GNG4: variants seen among roughly 807,000 people sequenced by gnomAD.
The protein encoded by GNG4 is G protein subunit gamma 4, also known as guanine nucleotide-binding protein G(I)/G(S)/G(O) subunit gamma-4.
In GNG4, 4 loss-of-function variants were observed where a neutral mutation model predicts 5.8. The observed-to-expected ratio is 0.69, with a 90% CI of 0.34 to 1.57. The LOEUF is 1.57. Among genes scored for constraint, GNG4 ranks in the 40% most tolerant of loss-of-function variants. GNG4 has a pLI of 0.06. For synonymous variants in GNG4, 29 were observed against 32.9 expected (o/e 0.88, Z 0.41); for missense variants, 96 against 95.1 (o/e 1.01, Z -0.04).
chr1:235,623,729 C>T (rs1688754805), intron 1 of GNG4, among the ~76,000 whole-genome samples: 1 of 152,162 alleles, frequency 6.6e-6, no homozygotes, highest in Non-Finnish European at 1.5e-5. Flanking sequence ...CCACTTTCAC[C>T]TTTTAAATTC....
chr1:235,569,423 A>C lies in GNG4; in HGVS notation c.99+14317T>G, dbSNP rs372359825. Reference sequence around the variant, plus strand: ...CAGTGAGCCAAGATCACGACACTGCACTCCAGCCTGGGTGACAGAGGGAGA... The same window carrying C: ...CAGTGAGCCAAGATCACGACACTGCCCTCCAGCCTGGGTGACAGAGGGAGA... On this transcript the variant is annotated intron_variant, in intron 3 of 3. Coordinates refer to ENST00000391854, the MANE Select transcript of GNG4 (RefSeq NM_001098722.2). Among the ~76,000 whole-genome samples the C allele has an allele frequency of 3.4e-5, 5 of 148,964 alleles. No homozygotes were observed. The East Asian group carries it at 6.1e-4, about 18-fold the overall frequency.
chr1:235,600,920 G>C (rs1688245375), intron 1 of GNG4, among the ~76,000 whole-genome samples: 1 of 152,198 alleles, frequency 6.6e-6, no homozygotes. Flanking sequence ...TAGCTTCTGT[G>C]CCCCCATTGC....
intron 2 of GNG4, among the ~76,000 whole-genome samples, chr1:235,584,889 T>C (rs1687722959): frequency 6.6e-6 from 1 of 152,248 alleles, no homozygotes; most frequent in Non-Finnish European, 1.5e-5. Context: ...TTTAGGTTTT[T>C]TTCCCACCTC....
intron 3 of GNG4, among the ~76,000 whole-genome samples, chr1:235,559,761 T>A (rs1687011865): frequency 6.6e-6 from 1 of 152,214 alleles, no homozygotes; most frequent in Non-Finnish European, 1.5e-5. Context: ...AAGTCAAATG[T>A]CCATAGCAGC....
chr1:235,612,425 T>G (rs965101076), intron 1 of GNG4, among the ~76,000 whole-genome samples: 2 of 152,100 alleles, frequency 1.3e-5, no homozygotes, highest in Non-Finnish European at 2.9e-5. Flanking sequence ...GTGCAGGGTC[T>G]GCGTGGGAAG....
At chr1:235,601,513 T>G (rs552959040) in intron 1 of GNG4, among the ~76,000 whole-genome samples, 1 of 152,308 alleles carries the variant, frequency 6.6e-6, no homozygotes, top group East Asian at 1.9e-4. Context: ...GAATGAGACT[T>G]GCCCGCCCTC....
intron 1 of GNG4, among the ~76,000 whole-genome samples, chr1:235,636,860 T>C (rs1191081757): frequency 6.6e-6 from 1 of 152,016 alleles, no homozygotes; most frequent in Non-Finnish European, 1.5e-5. Flanking sequence ...TGCTACCTCT[T>C]ACCCCTAGGG....
intron 1 of GNG4, among the ~76,000 whole-genome samples, chr1:235,618,875 C>T (rs995859574): frequency 4.0e-5 from 6 of 151,232 alleles, no homozygotes; most frequent in African/African-American, 1.5e-4. Context: ...GGGCTGGTCT[C>T]GAACTCCTGA....
At chr1:235,568,004 C>T (rs1047254184) in intron 3 of GNG4, among the ~76,000 whole-genome samples, 21 of 152,154 alleles carry the variant, frequency 1.4e-4, no homozygotes, top group South Asian at 4.1e-4. Flanking sequence ...TCACTCTGCA[C>T]GTAGCCCCAG....
intron 3 of GNG4, among the ~76,000 whole-genome samples, chr1:235,576,677 A>G (rs894127414): frequency 3.3e-5 from 5 of 152,192 alleles, no homozygotes; most frequent in African/African-American, 1.2e-4. Context: ...ATGTGCTTCT[A>G]GGCAAGATGA....
chr1:235,559,793 T>C (rs1261748515), intron 3 of GNG4, among the ~76,000 whole-genome samples: 1 of 152,262 alleles, frequency 6.6e-6, no homozygotes, highest in Non-Finnish European at 1.5e-5. Context: ...TGTTAACTAC[T>C]TTCAGCATAG....
At chr1:235,576,877 T>C (rs1687496266) in intron 3 of GNG4, among the ~76,000 whole-genome samples, 1 of 152,200 alleles carries the variant, frequency 6.6e-6, no homozygotes, top group African/African-American at 2.4e-5. Context: ...ATATTTGCAC[T>C]TGTGCTTTTG....
intron 2 of GNG4, among the ~76,000 whole-genome samples, chr1:235,588,080 C>T (rs554391217): frequency 5.3e-5 from 8 of 152,064 alleles, no homozygotes; most frequent in South Asian, 4.1e-4. Flanking sequence ...GTTCAGACGG[C>T]CCTGATCCCT....
intron 1 of GNG4, among the ~76,000 whole-genome samples, chr1:235,624,143 C>T (rs541038227): frequency 4.0e-4 from 61 of 151,482 alleles, no homozygotes; most frequent in African/African-American, 1.4e-3. Flanking sequence ...CGCTGTATCA[C>T]CCAGGCTGGA....
intron 1 of GNG4, among the ~76,000 whole-genome samples, chr1:235,631,622 G>A (rs925442655): frequency 1.3e-5 from 2 of 150,848 alleles, no homozygotes; most frequent in African/African-American, 4.9e-5. Context: ...TCAGGCTAGA[G>A]TGCAGTGGTG....
chr1:235,621,217 CAAA>C (rs35400729), intron 1 of GNG4, among the ~76,000 whole-genome samples: 1 of 114,336 alleles, frequency 8.7e-6, no homozygotes, highest in African/African-American at 3.3e-5. Flanking sequence ...GGAGATTAGC[CAAA>C]AAAAAAAAAA....
At chr1:235,613,094 C>T (rs934479832) in intron 1 of GNG4, among the ~76,000 whole-genome samples, 1 of 151,586 alleles carries the variant, frequency 6.6e-6, no homozygotes, top group African/African-American at 2.4e-5. Context: ...TAGATTTCAA[C>T]ACAGAATTTT....
chr1:235,635,539 G>A (rs946482829), intron 1 of GNG4, among the ~76,000 whole-genome samples: 3 of 152,258 alleles, frequency 2.0e-5, no homozygotes, highest in Admixed American at 2.0e-4. Context: ...GGTGGGGCCT[G>A]GTGGGAGGCG....
In GNG4 at chr1:235,594,584, G is replaced by A. The variant is rs6671791; in HGVS notation, c.-11+816C>T. ...GTCCCGAGCCCTGCCCCGCAGGGAGGCAGCTAAGGCCTGGTGAGAAGTTGA... is the reference window on the plus strand; with the variant it reads ...GTCCCGAGCCCTGCCCCGCAGGGAGACAGCTAAGGCCTGGTGAGAAGTTGA... On this transcript the variant is annotated intron_variant, in intron 2 of 3. Coordinates refer to ENST00000391854, the MANE Select transcript of GNG4 (RefSeq NM_001098722.2). Among the ~76,000 whole-genome samples, 903 of 152,332 alleles carry A rather than the reference G, an allele frequency of 5.9e-3. 8 individuals carry two copies. Among genetic ancestry groups the A allele is most frequent in the African/African-American group, 0.02 (848 of 41,586 alleles).
Sources: allele counts gnomAD v4.1 joint callset (sites outside exome capture counted in the v4.1 genomes callset), GRCh38; gene constraint gnomAD v4.1.1; transcripts MANE v1.5; gene names NCBI Gene and HGNC (gene_info 2026-07-23, HGNC 2026-07-21).